TMEM132D: variants seen among roughly 807,000 people sequenced by gnomAD.
TMEM132D encodes mature OL transmembrane protein.
In TMEM132D, 21 loss-of-function variants were observed where a neutral mutation model predicts 62.3. That is an observed-to-expected ratio of 0.34 (90% CI 0.24 to 0.49). TMEM132D has a LOEUF of 0.49. Among genes scored for constraint, TMEM132D ranks in the 20% least tolerant of loss-of-function variants. The pLI is 0.99. For missense variants in TMEM132D, 1,346 were observed against 1,402.8 expected, an observed-to-expected ratio of 0.96 and a Z score of 0.65; for synonymous variants, 621 against 575.6, an observed-to-expected ratio of 1.08 and a Z score of -1.13.
chr12:129,605,968 T>A (rs904366802), intron 2 of TMEM132D, among the ~76,000 whole-genome samples: 5 of 152,052 alleles, frequency 3.3e-5, no homozygotes, highest in African/African-American at 1.2e-4. Context: ...GCCTCCAGGG[T>A]GGCTGTGTAT....
intron 4 of TMEM132D, among the ~76,000 whole-genome samples, chr12:129,223,224 G>T (rs1262837829): frequency 6.6e-6 from 1 of 151,806 alleles, no homozygotes; most frequent in Non-Finnish European, 1.5e-5. Flanking sequence ...CCTAGCCCCG[G>T]AAGTAGCAAG....
chr12:129,466,169 G>T (rs186075114), intron 3 of TMEM132D, among the ~76,000 whole-genome samples: 5 of 151,820 alleles, frequency 3.3e-5, no homozygotes, highest in Admixed American at 3.3e-4. Flanking sequence ...ATTTTCTGCA[G>T]ATTCATTCCA....
intron 3 of TMEM132D, among the ~76,000 whole-genome samples, chr12:129,520,315 G>A (rs188442767): frequency 1.2e-3 from 176 of 152,264 alleles, no homozygotes; most frequent in African/African-American, 4.1e-3. Flanking sequence ...GGGTGCATAC[G>A]TCTCTAATCC....
Position 129,220,375 on chromosome 12 carries a change from A to C in TMEM132D, c.1300-10712T>G, listed in dbSNP as rs578048345. On this transcript the variant is annotated intron_variant, in intron 4 of 8. Coordinates refer to ENST00000422113, the MANE Select transcript of TMEM132D (RefSeq NM_133448.3). ...TGGAAACGAAATCTCACACAGGTGCATCCAGTTGGCAGGGACTGGATCGCA... is the reference window on the plus strand; with the variant it reads ...TGGAAACGAAATCTCACACAGGTGCCTCCAGTTGGCAGGGACTGGATCGCA... 6.6e-5 allele frequency among the ~76,000 whole-genome samples: 10 copies of C among 152,338 alleles called. No individual in the cohort carries two copies. The East Asian group carries it at 1.9e-3, about 29-fold the overall frequency.
At chr12:129,343,710 A>C (rs1593344811) in intron 3 of TMEM132D, among the ~76,000 whole-genome samples, 1 of 151,480 alleles carries the variant, frequency 6.6e-6, no homozygotes, top group Non-Finnish European at 1.5e-5. Flanking sequence ...TCAGGAGTTC[A>C]AGACCAGCCT....
intron 4 of TMEM132D, among the ~76,000 whole-genome samples, chr12:129,319,066 T>C (rs941265717): frequency 2.0e-5 from 3 of 152,156 alleles, no homozygotes; most frequent in Non-Finnish European, 4.4e-5. Context: ...AAAAAGGTCT[T>C]GGTTCTTCCC....
intron 2 of TMEM132D, among the ~76,000 whole-genome samples, chr12:129,558,287 A>G (rs1239152984): frequency 6.6e-6 from 1 of 152,212 alleles, no homozygotes; most frequent in Non-Finnish European, 1.5e-5. Context: ...AGTGACACAC[A>G]TCGTTTGGGC....
In TMEM132D at chr12:129,081,821, T is replaced by A. The variant is rs2135615984; in HGVS notation, c.1861A>T (p.Ile621Phe). Residue 621 changes from isoleucine to phenylalanine, a missense_variant, in exon 7 of 9, where the codon ATC becomes TTC. Transcript: ENST00000422113. ...ATCTGTCCGCCTTGCAGCTTGGCGATCCTGGGCTCCTCCACCTGCATGAAG... is the reference window on the plus strand; with the variant it reads ...ATCTGTCCGCCTTGCAGCTTGGCGAACCTGGGCTCCTCCACCTGCATGAAG... The part of the protein sequence containing the change: ...NDFMQVEEPR[I>F]AKLQGGQILM... 1.2e-6 allele frequency: 2 copies of A among 1,613,602 alleles called. No individual in the cohort carries two copies. The highest frequency in any genetic ancestry group is 2.2e-5 in the South Asian group (2 of 91,048).
At chr12:129,887,498 T>A (rs1874785377) in intron 1 of TMEM132D, among the ~76,000 whole-genome samples, 1 of 152,244 alleles carries the variant, frequency 6.6e-6, no homozygotes, top group South Asian at 2.1e-4. Context: ...AAAATAAAAT[T>A]TTCCTCTCTA....
chr12:129,248,494 T>C (rs886927452), intron 4 of TMEM132D, among the ~76,000 whole-genome samples: 1 of 152,034 alleles, frequency 6.6e-6, no homozygotes, highest in African/African-American at 2.4e-5. Context: ...TGCTATTTAC[T>C]GCTACATAAC....
chr12:129,335,580 A>T (rs1869245180), intron 4 of TMEM132D, among the ~76,000 whole-genome samples: 2 of 152,170 alleles, frequency 1.3e-5, no homozygotes. Flanking sequence ...ATAATTTGTT[A>T]TGTTATTCTT....
rs570145292 is a variant in TMEM132D, at chr12:129,715,384, C to T, written c.80-14686G>A. Among the ~76,000 whole-genome samples, 11 of 152,256 alleles carry T rather than the reference C, an allele frequency of 7.2e-5. No homozygotes were observed. In the South Asian group the frequency reaches 8.3e-4, roughly 11 times the overall value. ...AGGTCAGAGGTGCCTTATCGTTTCA[C>T]GGGTGGTTCAGAGGAGAGTTTATTT... On this transcript the variant is annotated intron_variant, in intron 1 of 8. Transcript: ENST00000422113.
intron 3 of TMEM132D, among the ~76,000 whole-genome samples, chr12:129,388,544 A>T (rs867273635): frequency 9.0e-4 from 78 of 86,714 alleles, no homozygotes; most frequent in African/African-American, 1.6e-3. Context: ...CACTGATGAT[A>T]ATATTAACAC....
At chr12:129,617,025 C>G (rs1878937676) in intron 2 of TMEM132D, among the ~76,000 whole-genome samples, 1 of 152,126 alleles carries the variant, frequency 6.6e-6, no homozygotes, top group Admixed American at 6.5e-5. Flanking sequence ...CTTTTGTCTT[C>G]CCCAAATCAG....
chr12:129,612,141 T>C (rs1252490836), intron 2 of TMEM132D, among the ~76,000 whole-genome samples: 2 of 152,210 alleles, frequency 1.3e-5, no homozygotes, highest in African/African-American at 2.4e-5. Flanking sequence ...CAGCAGACCA[T>C]GGGCTGTAAC....
chr12:129,839,142 T>TTTTTTTTTTTTTTTTTTTG lies in TMEM132D; in HGVS notation c.79+64118_79+64119insCAAAAAAAAAAAAAAAAAA, dbSNP rs1873101780. Among the ~76,000 whole-genome samples the TTTTTTTTTTTTTTTTTTTG allele has an allele frequency of 1.6e-5, 2 of 126,556 alleles. 1 individual carries two copies. Among genetic ancestry groups the TTTTTTTTTTTTTTTTTTTG allele is most frequent in the Non-Finnish European group, 3.3e-5 (2 of 60,866 alleles). The allele number at this position is 126,556 out of a possible 152,430, so 83.0% of individuals were successfully genotyped here. A position where few individuals can be genotyped will look rare whatever the true frequency, so the allele number is the denominator to read the frequency against. On this transcript the variant is annotated intron_variant, in intron 1 of 8. Coordinates refer to ENST00000422113, the MANE Select transcript of TMEM132D (RefSeq NM_133448.3). ...ATTTTTTTTTTTTTTTTTTTTTTTT[T>TTTTTTTTTTTTTTTTTTTG]TTTTTTTGAGATGGAATCTCGCACT... is the stretch of plus-strand genomic sequence containing the variant.
chr12:129,713,198 C>G (rs1039457286), intron 1 of TMEM132D, among the ~76,000 whole-genome samples: 4 of 152,074 alleles, frequency 2.6e-5, no homozygotes, highest in Admixed American at 2.0e-4. Context: ...CTCTAGGGGC[C>G]CAACCTCCAA....
chr12:129,750,745 A>T (rs1442949463), intron 1 of TMEM132D, among the ~76,000 whole-genome samples: 1 of 152,126 alleles, frequency 6.6e-6, no homozygotes, highest in Non-Finnish European at 1.5e-5. Flanking sequence ...GTACTAGAGG[A>T]GGCATCAGTT....
rs534765342 is a variant in TMEM132D at position 129,827,154 on chromosome 12, C to T, written c.79+76107G>A. ...TTAATAATAGCAATTAATAATTAAG[C>T]GCGTCTCTATATTTGATCTTCTGCT... On this transcript the variant is annotated intron_variant, in intron 1 of 8. Transcript: ENST00000422113. This position sits in a 1 kb window ranked among gnomAD's most constrained non-coding sequence, Gnocchi z 9.7. 1.2e-4 allele frequency among the ~76,000 whole-genome samples: 19 copies of T among 152,260 alleles called. No individual in the cohort carries two copies. Among genetic ancestry groups the T allele is most frequent in the Admixed American group, 2.0e-4 (3 of 15,290 alleles).
Sources: allele counts gnomAD v4.1 joint callset (sites outside exome capture counted in the v4.1 genomes callset), GRCh38; gene constraint gnomAD v4.1.1; non-coding constraint Gnocchi (gnomAD v3.1); transcripts MANE v1.5; gene names NCBI Gene and HGNC (gene_info 2026-07-23, HGNC 2026-07-21).